FCHSD2: variants seen among roughly 807,000 people sequenced by gnomAD.
FCHSD2 encodes F-BAR and double SH3 domains protein 2.
In FCHSD2, 38 loss-of-function variants were observed where a neutral mutation model predicts 108.1. That is an observed-to-expected ratio of 0.35 (90% CI 0.27 to 0.46). The LOEUF is 0.46. FCHSD2 is among the 20% of genes least tolerant of loss of function. The pLI is 1.00. For synonymous variants in FCHSD2, 279 were observed against 314.7 expected (o/e 0.89, Z 1.20); for missense variants, 751 against 897.8 (o/e 0.84, Z 2.09).
chr11:72,912,505 C>T (rs1430123852), intron 9 of FCHSD2, among the ~76,000 whole-genome samples: 1 of 152,072 alleles, frequency 6.6e-6, no homozygotes, highest in Non-Finnish European at 1.5e-5. Flanking sequence ...CTTTTTAATG[C>T]GTTGTTGAAT....
chr11:73,088,576 T>C lies in FCHSD2; in HGVS notation c.120-4836A>G, dbSNP rs10400329. Among the ~76,000 whole-genome samples, 783 of 152,234 alleles carry C rather than the reference T, an allele frequency of 5.1e-3. 6 individuals are homozygous for C. Among genetic ancestry groups the C allele is most frequent in the African/African-American group, 0.018 (759 of 41,546 alleles). On this transcript the variant is annotated intron_variant, in intron 2 of 19. Transcript: ENST00000409418. Reference sequence around the variant, plus strand: ...TTGCTTTCCATAATTTCTGGTGTTTTAGTAAACATATAATGTTTGAAAAAA... The same window carrying C: ...TTGCTTTCCATAATTTCTGGTGTTTCAGTAAACATATAATGTTTGAAAAAA...
At chr11:72,849,643 A>T in intron 14 of FCHSD2, 112 bp downstream of exon 14, 1 of 834,454 alleles carries the variant, frequency 1.2e-6, no homozygotes, top group Non-Finnish European at 1.9e-6. Flanking sequence ...CCCCAATATT[A>T]ACCTAATAAC....
intron 2 of FCHSD2, among the ~76,000 whole-genome samples, chr11:73,106,406 CAAAA>C (rs781338343): frequency 3.1e-5 from 2 of 65,022 alleles, no homozygotes; most frequent in Non-Finnish European, 3.3e-5. Context: ...ACTCTGTCTC[CAAAA>C]AAAAAAAAAA....
intron 19 of FCHSD2, 78 bp downstream of exon 19, chr11:72,840,799 C>A (rs1860901220): frequency 2.8e-6 from 3 of 1,060,120 alleles, no homozygotes; most frequent in Admixed American, 1.9e-5. Context: ...AACACAGGGG[C>A]CACGGGGAAA....
intron 8 of FCHSD2, among the ~76,000 whole-genome samples, chr11:72,928,264 T>C (rs1403239912): frequency 1.3e-5 from 2 of 152,124 alleles, no homozygotes; most frequent in Non-Finnish European, 2.9e-5. Flanking sequence ...CAAAATTTTT[T>C]TCAATGGCTC....
chr11:72,987,928 C>A (rs1188530497), intron 6 of FCHSD2, among the ~76,000 whole-genome samples: 1 of 152,104 alleles, frequency 6.6e-6, no homozygotes, highest in Non-Finnish European at 1.5e-5. Flanking sequence ...TAGGTTCAAA[C>A]AATAAAACAA....
At chr11:72,933,452 A>G (rs1478768426) in intron 8 of FCHSD2, among the ~76,000 whole-genome samples, 1 of 152,214 alleles carries the variant, frequency 6.6e-6, no homozygotes, top group Non-Finnish European at 1.5e-5. Flanking sequence ...AGCAAGCACC[A>G]TCTCATCCTT....
Position 72,838,616 on chromosome 11 carries a change from G to T in FCHSD2, c.*175C>A. ...TAGAAAATGACAACAAAAAAAAAAG[G>T]CACGAAATATTCAAAACGTGGGAGG... is the stretch of plus-strand genomic sequence containing the variant. On this transcript the variant is annotated 3_prime_UTR_variant, in exon 20 of 20. Coordinates refer to ENST00000409418, the MANE Select transcript of FCHSD2 (RefSeq NM_014824.3). The T allele has an allele frequency of 1.7e-6, 1 of 596,840 alleles. No individual in the cohort carries two copies. 37.0% of individuals were successfully genotyped at this position (596,840 alleles called of 1,614,324 possible).
intron 14 of FCHSD2, among the ~76,000 whole-genome samples, chr11:72,847,912 T>C (rs7129860): frequency 1 from 151,799 of 152,258 alleles, 75,671 homozygotes; most frequent in Middle Eastern, 1. Context: ...GGGCCAGTCT[T>C]GAACTCCTAA....
intron 8 of FCHSD2, among the ~76,000 whole-genome samples, chr11:72,983,314 A>G (rs1186250469): frequency 6.6e-6 from 1 of 151,626 alleles, no homozygotes; most frequent in South Asian, 2.1e-4. Context: ...AAAAATAAAT[A>G]AAAGAAAGGT....
chr11:73,008,451 G>A (rs1857789765), intron 4 of FCHSD2, among the ~76,000 whole-genome samples: 1 of 152,186 alleles, frequency 6.6e-6, no homozygotes, highest in Non-Finnish European at 1.5e-5. Flanking sequence ...GTTATTGGTA[G>A]TAGAAAGGGA....
intron 3 of FCHSD2, among the ~76,000 whole-genome samples, chr11:73,051,040 G>A (rs2135475643): frequency 6.6e-6 from 1 of 152,296 alleles, no homozygotes; most frequent in South Asian, 2.1e-4. Context: ...ATCTTGCTGG[G>A]CACAGTGGCT....
At chr11:73,098,845 G>A (rs1250702947) in intron 2 of FCHSD2, among the ~76,000 whole-genome samples, 7 of 152,246 alleles carry the variant, frequency 4.6e-5, no homozygotes, top group Admixed American at 1.3e-4. Flanking sequence ...TCATGACCTT[G>A]GATTTTGCAA....
intron 8 of FCHSD2, among the ~76,000 whole-genome samples, chr11:72,956,167 A>G (rs576523348): frequency 1.3e-5 from 2 of 152,342 alleles, no homozygotes; most frequent in African/African-American, 4.8e-5. Context: ...AACAAATTTC[A>G]ATCCATTGAA....
chr11:72,940,760 G>T, intron 8 of FCHSD2: 1 of 849,800 alleles, frequency 1.2e-6, no homozygotes. Flanking sequence ...GTTCATCATG[G>T]TGTTAATCAG....
chr11:72,886,366 C>T (rs982167401), intron 12 of FCHSD2, among the ~76,000 whole-genome samples: 7 of 152,286 alleles, frequency 4.6e-5, no homozygotes, highest in Middle Eastern at 3.4e-3. Context: ...CCCCTTTTCT[C>T]TGACTAATCA....
chr11:73,015,748 A>G lies in FCHSD2; in HGVS notation c.242+61T>C, dbSNP rs150954696. 1.9e-3 allele frequency: 1,860 copies of G among 990,972 alleles called. 25 individuals are homozygous for G. In the African/African-American group the frequency reaches 0.026, roughly 14 times the overall value. The allele number at this position is 990,972 out of a possible 1,614,324, so 61.4% of individuals were successfully genotyped here. A position where few individuals can be genotyped will look rare whatever the true frequency, so the allele number is the denominator to read the frequency against. ...AAAACTAGAGTGTTACATTATCTAT[A>G]TGTAACATAGCTTTAAGTAAAACCG... On this transcript the variant is annotated intron_variant, in intron 4 of 19. Coordinates refer to ENST00000409418, the MANE Select transcript of FCHSD2 (RefSeq NM_014824.3).
At position 72,849,863 on chromosome 11, in the gene FCHSD2, T is replaced by G. The variant is rs779505143; in HGVS notation, c.1335A>C (p.Glu445Asp). ...HSLNADTERE[E>D]GEEFEDNMDV... is the part of the protein sequence containing the mutation. ...CCATGTTATCTTCAAACTCTTCGCC[T>G]TCTTCTCTTTCGGTATCTGCATTAA... The change falls in exon 14 of 20, where the codon GAA (glutamate) becomes GAC (aspartate). Residue 445 changes from glutamate (E) to aspartate (D), a missense_variant. Transcript: ENST00000409418. The G allele has an allele frequency of 2.2e-5, 35 of 1,613,388 alleles. No homozygotes were observed. The highest frequency in any genetic ancestry group is 3.3e-5 in the Admixed American group (2 of 59,986).
Position 72,867,908 on chromosome 11 carries a change from C to T in FCHSD2, c.1265G>A (p.Trp422Ter). The change falls in exon 13 of 20, where the codon TGG (tryptophan) becomes TAG (stop). Residue 422 changes from tryptophan to a stop codon, truncating the protein, a stop_gained. Coordinates refer to ENST00000409418, the MANE Select transcript of FCHSD2 (RefSeq NM_014824.3). LOFTEE classifies it high-confidence loss of function. ...ACTGGTCACTGCAGGAGGGCGGGCC[C>T]ATCGCTCATTTTCCAGTTCTTCCAT... ...QVMEELENER[W>*]ARPPAVTSNG... 1 of 1,612,174 alleles carries T rather than the reference C, an allele frequency of 6.2e-7. No homozygotes were observed.
Sources: allele counts gnomAD v4.1 joint callset (sites outside exome capture counted in the v4.1 genomes callset), GRCh38; gene constraint gnomAD v4.1.1; transcripts MANE v1.5; gene names NCBI Gene and HGNC (gene_info 2026-07-23, HGNC 2026-07-21).